ANO10: variants seen among roughly 807,000 people sequenced by gnomAD.
The protein encoded by ANO10 is anoctamin-10.
In ANO10, 77 loss-of-function variants were observed where a neutral mutation model predicts 74.7. The ratio of observed to expected loss-of-function variants is 1.03; its 90% CI spans 0.86 to 1.25. ANO10 has a LOEUF of 1.25. Among genes scored for constraint, ANO10 ranks in the 50% most tolerant of loss-of-function variants. ANO10 has a pLI of 0.00. For missense variants in ANO10, 721 were observed against 778.1 expected (o/e 0.93, Z 0.87); for synonymous variants, 279 against 284.9 (o/e 0.98, Z 0.21).
chr3:43,688,490 T>C lies in ANO10; in HGVS notation c.-12+3027A>G, dbSNP rs371402490. Among the ~76,000 whole-genome samples, 216 of 152,344 alleles carry C rather than the reference T, an allele frequency of 1.4e-3. 3 individuals carry two copies. The highest frequency in any genetic ancestry group is 5.0e-3 in the African/African-American group (206 of 41,588). ...CCAGTTTTGGGAAGGCCTCCAAGTT[T>C]TCTACTTTATCTATTGTTCCTTGTA... On this transcript the variant is annotated intron_variant, in intron 1 of 3. Transcript: ENST00000413397.
intron 1 of ANO10, among the ~76,000 whole-genome samples, chr3:43,662,076 T>C (rs893668687): frequency 1.3e-5 from 2 of 151,966 alleles, no homozygotes; most frequent in Non-Finnish European, 2.9e-5. Flanking sequence ...TCTACAAAAC[T>C]CTCCATCCCA....
chr3:43,372,867 A>C lies in ANO10; in HGVS notation c.1915-5893T>G, dbSNP rs921801066. On this transcript the variant is annotated intron_variant, in intron 12 of 12. Coordinates refer to ENST00000292246, the MANE Select transcript of ANO10 (RefSeq NM_018075.5). ...TGCAGCCTGCAGTAGCAGCCAGAGA[A>C]ATTCTAATTTAGCCAGTAACCTCAG... 8 of 1,534,198 alleles carry C rather than the reference A, an allele frequency of 5.2e-6. No individual in the cohort carries two copies. The Admixed American group carries it at 5.9e-5, about 11-fold the overall frequency.
intron 1 of ANO10, among the ~76,000 whole-genome samples, chr3:43,620,387 A>T (rs1311780847): frequency 1.3e-5 from 2 of 152,226 alleles, no homozygotes; most frequent in Non-Finnish European, 2.9e-5. Flanking sequence ...AAAATACAAA[A>T]ATTAGGAAGA....
intron 1 of ANO10, among the ~76,000 whole-genome samples, chr3:43,687,146 G>A (rs1355588334): frequency 2.0e-5 from 3 of 151,878 alleles, no homozygotes; most frequent in African/African-American, 7.3e-5. Flanking sequence ...TTTTATTACA[G>A]CATTTCTTTA....
At chr3:43,603,150 G>A (rs879351400) in intron 2 of ANO10, among the ~76,000 whole-genome samples, 7 of 152,122 alleles carry the variant, frequency 4.6e-5, no homozygotes, top group Non-Finnish European at 1.0e-4. Flanking sequence ...CATTTGCATA[G>A]TTTATTATGT....
intron 11 of ANO10, among the ~76,000 whole-genome samples, chr3:43,528,102 A>G (rs147170526): frequency 6.6e-6 from 1 of 152,290 alleles, no homozygotes; most frequent in Non-Finnish European, 1.5e-5. Flanking sequence ...AGCAGAAAAG[A>G]GTGCTCTCAA....
At chr3:43,614,786 T>C (rs1039685525) in intron 1 of ANO10, among the ~76,000 whole-genome samples, 1 of 130,102 alleles carries the variant, frequency 7.7e-6, no homozygotes, top group Non-Finnish European at 1.7e-5. Flanking sequence ...TATATATATA[T>C]ATATATATAT....
chr3:43,470,392 C>T lies in ANO10; in HGVS notation c.1798-37665G>A, dbSNP rs553118565. 7.6e-4 allele frequency among the ~76,000 whole-genome samples: 116 copies of T among 152,250 alleles called. 1 individual carries two copies. The highest frequency in any genetic ancestry group is 2.3e-3 in the African/African-American group (95 of 41,560). On this transcript the variant is annotated intron_variant, in intron 11 of 12. Coordinates refer to ENST00000292246, the MANE Select transcript of ANO10 (RefSeq NM_018075.5). ...TTTTTGAGACGGAGTCTCGTTCTGT[C>T]GCCCAGGCTGGAGTGCAGTGGCGCA... is the stretch of plus-strand genomic sequence containing the variant.
In ANO10 at chr3:43,409,321, G is replaced by A. The variant is rs371140976; in HGVS notation, c.1914+23290C>T. ...CCAGCACTTTGGGAGGCCGAGGCGG[G>A]TGGATCACTTGAGTCCAGGTGTTCA... On this transcript the variant is annotated intron_variant, in intron 12 of 12. Transcript: ENST00000292246. 3.3e-5 allele frequency among the ~76,000 whole-genome samples: 5 copies of A among 152,248 alleles called. No individual in the cohort carries two copies. The East Asian group carries it at 7.7e-4, about 24-fold the overall frequency.
At chr3:43,497,541 T>A (rs1030680045) in intron 11 of ANO10, among the ~76,000 whole-genome samples, 1 of 152,166 alleles carries the variant, frequency 6.6e-6, no homozygotes, top group Admixed American at 6.5e-5. Flanking sequence ...TTCAGGCTTG[T>A]GTTCCCTCAG....
intron 1 of ANO10, among the ~76,000 whole-genome samples, chr3:43,666,044 A>T (rs1184080820): frequency 6.6e-6 from 1 of 152,226 alleles, no homozygotes; most frequent in Non-Finnish European, 1.5e-5. Flanking sequence ...AGTCATTTAC[A>T]TGTTAAGGAA....
chr3:43,414,512 G>A (rs1423558112), intron 12 of ANO10, among the ~76,000 whole-genome samples: 3 of 152,052 alleles, frequency 2.0e-5, no homozygotes, highest in East Asian at 3.9e-4. Context: ...TTGAAGGAAG[G>A]CTACTGCTTG....
intron 11 of ANO10, among the ~76,000 whole-genome samples, chr3:43,466,369 C>CAAAAAAAAAA (rs36126977): frequency 8.8e-5 from 4 of 45,390 alleles, no homozygotes; most frequent in Admixed American, 3.1e-4. Context: ...GACTCCATCT[C>CAAAAAAAAAA]AAAAAAAAAA....
chr3:43,416,019 T>C (rs887487151), intron 12 of ANO10, among the ~76,000 whole-genome samples: 11 of 142,946 alleles, frequency 7.7e-5, no homozygotes, highest in Non-Finnish European at 1.5e-4. Flanking sequence ...TCCAAGAAGT[T>C]AAAAAAAAAA....
At chr3:43,382,305 G>A (rs1407036168) in intron 12 of ANO10, among the ~76,000 whole-genome samples, 4 of 152,056 alleles carry the variant, frequency 2.6e-5, no homozygotes, top group Non-Finnish European at 4.4e-5. Context: ...GGATCACGAG[G>A]TCAGGAGATC....
chr3:43,603,219 T>A (rs775154196), intron 2 of ANO10, among the ~76,000 whole-genome samples: 21 of 152,150 alleles, frequency 1.4e-4, no homozygotes, highest in Non-Finnish European at 2.6e-4. Flanking sequence ...CTTGATCCAC[T>A]GACATAAAAG....
intron 8 of ANO10, among the ~76,000 whole-genome samples, chr3:43,563,179 A>AAG (rs2080132178): frequency 6.6e-6 from 1 of 152,192 alleles, no homozygotes; most frequent in African/African-American, 2.4e-5. Context: ...CATTTCTCTA[A>AAG]AGAAGACATT....
chr3:43,534,480 G>C (rs1412640665), intron 11 of ANO10, among the ~76,000 whole-genome samples: 3 of 149,368 alleles, frequency 2.0e-5, no homozygotes, highest in African/African-American at 2.6e-5. Flanking sequence ...GCGCATGAGA[G>C]AGAGCGCGCA....
chr3:43,570,498 G>A (rs531032969), intron 7 of ANO10, among the ~76,000 whole-genome samples: 3,599 of 152,174 alleles, frequency 0.024, 146 homozygotes, highest in African/African-American at 0.081. Context: ...ATAGATCAAT[G>A]GAACAGAACA....
Sources: gnomAD v4.1 joint callset for allele counts (sites outside exome capture counted in the v4.1 genomes callset) on GRCh38, gnomAD v4.1.1 for gene constraint, MANE v1.5 for transcripts, NCBI Gene and HGNC (gene_info 2026-07-23, HGNC 2026-07-21) for gene names.